The following CELF3 variants were observed in gnomAD, a reference collection of about 807,000 sequenced individuals.
The protein encoded by CELF3 is CAG repeat domain.
In CELF3, 26 loss-of-function variants were observed where a neutral mutation model predicts 59.6. That is an observed-to-expected ratio of 0.44 (90% CI 0.32 to 0.61). The LOEUF (loss-of-function observed/expected upper bound fraction) is 0.61. Among genes scored for constraint, CELF3 ranks in the 20% least tolerant of loss-of-function variants. The pLI, the probability that CELF3 is intolerant of heterozygous loss-of-function variation, is 0.06. For synonymous variants in CELF3, 245 were observed against 250.7 expected, an observed-to-expected ratio of 0.98 and a Z score of 0.22; for missense variants, 387 against 627.2, an observed-to-expected ratio of 0.62 and a Z score of 4.09.
At position 151,707,841 on chromosome 1, in the gene CELF3, A is replaced by T. The variant is rs748822146; in HGVS notation, c.581T>A (p.Phe194Tyr). ...MQQVATQLGM[F>Y]SPIALQFGAY... ...TCCAAACTGGAGGGCGATGGGGCTG[A>T]ACATGCCCAACTGGGTGGCCACCTG... The change falls in exon 6 of 13, where the codon TTC becomes TAC. Residue 194 changes from phenylalanine (F) to tyrosine (Y), a missense_variant. This residue lies in a region of CELF3 where 208 missense variants were observed against 354.8 expected (regional missense o/e 0.59). Coordinates refer to ENST00000290583, the MANE Select transcript of CELF3 (RefSeq NM_007185.7). 2.5e-6 allele frequency: 4 copies of T among 1,613,954 alleles called. No individual in the cohort carries two copies. In the Admixed American group the frequency reaches 6.7e-5, roughly 27 times the overall value.
intron 2 of CELF3, 136 bp downstream of exon 2, chr1:151,714,458 A>G: frequency 2.7e-6 from 2 of 729,586 alleles, no homozygotes; most frequent in Non-Finnish European, 5.0e-6. Context: ...AGAAAGATGG[A>G]TGCTACAGAG....
At position 151,709,605 on chromosome 1, in the gene CELF3, G is replaced by T; in HGVS notation, c.277+138C>A. On this transcript the variant is annotated intron_variant, in intron 3 of 12. Transcript: ENST00000290583. This position sits in a 1 kb window ranked among gnomAD's most constrained non-coding sequence, Gnocchi z 4.9. ...AGATCTCACCCGCTCTGGCCACACT[G>T]ACTCCTATCTCACCGCAGCTGGGAA... is the stretch of plus-strand genomic sequence containing the variant. The T allele has an allele frequency of 9.8e-7, 1 of 1,017,958 alleles. No individual in the cohort carries two copies. The highest frequency in any genetic ancestry group is 1.5e-6 in the Non-Finnish European group (1 of 655,152). The allele number at this position is 1,017,958 out of a possible 1,614,324, so 63.1% of individuals were successfully genotyped here. A position where few individuals can be genotyped will look rare whatever the true frequency, so the allele number is the denominator to read the frequency against.
At chr1:151,715,745 A>G (rs1036190853) in intron 1 of CELF3, 131 bp downstream of exon 1, 1 of 1,593,502 alleles carries the variant, frequency 6.3e-7, no homozygotes, top group East Asian at 2.2e-5. Flanking sequence ...TCCTCCATCC[A>G]CTTTCCTCAG....
intron 2 of CELF3, 84 bp downstream of exon 2, chr1:151,714,510 T>A: frequency 1.0e-6 from 1 of 960,940 alleles, no homozygotes; most frequent in Non-Finnish European, 1.6e-6. Flanking sequence ...GTGGAAATTA[T>A]GCTCAGTGTC....
At chr1:151,712,988 G>A (rs1341502132) in intron 2 of CELF3, among the ~76,000 whole-genome samples, 1 of 152,110 alleles carries the variant, frequency 6.6e-6, no homozygotes, top group Non-Finnish European at 1.5e-5. Flanking sequence ...GCAGGTAGCA[G>A]GAGAAGACTT....
intron 12 of CELF3, 140 bp downstream of exon 12, chr1:151,704,891 G>T: frequency 1.1e-6 from 1 of 873,148 alleles, no homozygotes; most frequent in Non-Finnish European, 1.7e-6. Flanking sequence ...CCAGCCCCCT[G>T]CTTCAAGTGC....
chr1:151,715,815 C>G (rs1453578744), intron 1 of CELF3, 61 bp downstream of exon 1: 4 of 1,595,264 alleles, frequency 2.5e-6, no homozygotes, highest in Non-Finnish European at 2.6e-6. Context: ...TCCAGCCTGG[C>G]TTAACTTCCC....
chr1:151,711,877 G>C (rs1673052601), intron 2 of CELF3: 1 of 152,294 alleles, frequency 6.6e-6, no homozygotes, highest in Admixed American at 6.5e-5. Context: ...AAAGGATGCA[G>C]TTCCCTCCTG....
chr1:151,711,548 A>G (rs1283289620), intron 2 of CELF3, among the ~76,000 whole-genome samples: 2 of 151,618 alleles, frequency 1.3e-5, no homozygotes, highest in Non-Finnish European at 2.9e-5. Flanking sequence ...TCACCCGCCA[A>G]TCTGGGATTA....
chr1:151,705,194 G>A lies in CELF3; in HGVS notation c.1271-26C>T, dbSNP rs768445964. On this transcript the variant is annotated intron_variant, in intron 11 of 12. Coordinates refer to ENST00000290583, the MANE Select transcript of CELF3 (RefSeq NM_007185.7). This position sits in a 1 kb window ranked among gnomAD's most constrained non-coding sequence, Gnocchi z 5.1. ...CTGGGGTGAGAGGGGCATAAGGCCC[G>A]GCCCAGCCCCACCTCGCTCTTCCGT... The A allele has an allele frequency of 8.1e-6, 13 of 1,600,296 alleles. No homozygotes were observed. Among genetic ancestry groups the A allele is most frequent in the African/African-American group, 8.0e-5 (6 of 74,742 alleles).
intron 12 of CELF3, 108 bp downstream of exon 12, chr1:151,704,923 G>T: frequency 8.1e-7 from 1 of 1,241,826 alleles, no homozygotes. Flanking sequence ...GGTGGGGTGG[G>T]CATCCCTGAG....
At chr1:151,708,485 C>A in intron 5 of CELF3, 1 of 186,148 alleles carries the variant, frequency 5.4e-6, no homozygotes, top group Non-Finnish European at 1.1e-5. Context: ...AATGCTGTGT[C>A]CCCTCCACCA....
intron 2 of CELF3, chr1:151,710,310 A>T: frequency 3.8e-6 from 1 of 263,846 alleles, no homozygotes. Flanking sequence ...GGGGGAAGGC[A>T]CTCGGGCAGC....
chr1:151,710,965 G>A (rs1299754439), intron 2 of CELF3: 1 of 392,772 alleles, frequency 2.5e-6, no homozygotes, highest in Non-Finnish European at 5.1e-6. Flanking sequence ...ACCACACCTG[G>A]TTGCCCCACT....
In CELF3 at chr1:151,703,427, C is replaced by T. The variant is rs1672237055; in HGVS notation, c.*32G>A. On this transcript the variant is annotated 3_prime_UTR_variant, in exon 13 of 13. Transcript: ENST00000290583. Reference sequence around the variant, plus strand: ...TCGTGGGAAGAGGGTGTGAGGCGCCCCTTCCTCTGGGATCTCCAGACCTGT... The same window carrying T: ...TCGTGGGAAGAGGGTGTGAGGCGCCTCTTCCTCTGGGATCTCCAGACCTGT... 5.5e-6 allele frequency: 2 copies of T among 363,372 alleles called. No individual in the cohort carries two copies. Among genetic ancestry groups the T allele is most frequent in the Non-Finnish European group, 5.5e-6 (1 of 182,594 alleles). The allele number at this position is 363,372 out of a possible 1,614,324, so 22.5% of individuals were successfully genotyped here. A position where few individuals can be genotyped will look rare whatever the true frequency, so the allele number is the denominator to read the frequency against.
Position 151,714,719 on chromosome 1 carries a change from C to T in CELF3, c.146-43G>A, listed in dbSNP as rs544601950. On this transcript the variant is annotated intron_variant, in intron 1 of 12. Coordinates refer to ENST00000290583, the MANE Select transcript of CELF3 (RefSeq NM_007185.7). ...CAGAGAAACACGGCGGGGGGTGAGT[C>T]CTCCATCTCCCCTCTCTGAAAGGCT... 1.2e-4 allele frequency: 159 copies of T among 1,314,168 alleles called. No individual in the cohort carries two copies. In the South Asian group the frequency reaches 1.9e-3, roughly 16 times the overall value. 81.4% of individuals were successfully genotyped at this position (1,314,168 alleles called of 1,614,324 possible). A position where few individuals can be genotyped will look rare whatever the true frequency, so the allele number is the denominator to read the frequency against.
In CELF3 at chr1:151,705,856, A is replaced by G; in HGVS notation, c.1236T>C (p.Phe412=). 6.2e-7 allele frequency: 1 copy of G among 1,614,196 alleles called. No homozygotes were observed. Among genetic ancestry groups the G allele is most frequent in the South Asian group, 1.1e-5 (1 of 91,086 alleles). ...TGCTTTGATTGGTGGCTCGGTCAAC[A>G]AAGACTTTGGCTGAGATGACGTGGC... is the stretch of plus-strand genomic sequence containing the variant. ...PFGHVISAKV[F]VDRATNQSKC... Residue 412 remains phenylalanine, a synonymous_variant, in exon 11 of 13, where the codon TTT becomes TTC. Transcript: ENST00000290583. This position sits in a 1 kb window ranked among gnomAD's most constrained non-coding sequence, Gnocchi z 5.1.
Position 151,705,541 on chromosome 1 carries a change from GC to G in CELF3, c.1270+280del, listed in dbSNP as rs1672435418. On this transcript the variant is annotated intron_variant, in intron 11 of 12. Coordinates refer to ENST00000290583, the MANE Select transcript of CELF3 (RefSeq NM_007185.7). This position sits in a 1 kb window ranked among gnomAD's most constrained non-coding sequence, Gnocchi z 5.1. ...AAGGCAGCTAAAACCGACTCCCCAAGCCCACCTTTTGCAAACCAAACATCCC... is the reference window on the plus strand; with the variant it reads ...AAGGCAGCTAAAACCGACTCCCCAAGCCACCTTTTGCAAACCAAACATCCC... Among the ~76,000 whole-genome samples, 2 of 152,126 alleles carry G rather than the reference GC, an allele frequency of 1.3e-5. No homozygotes were observed. The highest frequency in any genetic ancestry group is 1.5e-5 in the Non-Finnish European group (1 of 68,024).
At chr1:151,706,856 T>A in intron 8 of CELF3, 122 bp from the exon 9 acceptor site, 1 of 772,590 alleles carries the variant, frequency 1.3e-6, no homozygotes, top group Non-Finnish European at 2.0e-6. Flanking sequence ...GGGCATGGGG[T>A]GTGAAGTGAG....
Sources: gnomAD v4.1 joint callset for allele counts (sites outside exome capture counted in the v4.1 genomes callset) on GRCh38, gnomAD v4.1.1 for gene constraint, gnomAD v4.1.1 regional missense constraint, Gnocchi (gnomAD v3.1) non-coding constraint, MANE v1.5 for transcripts, NCBI Gene and HGNC (gene_info 2026-07-23, HGNC 2026-07-21) for gene names.